ADGRL2: variants seen among roughly 807,000 people sequenced by gnomAD.
ADGRL2 encodes the protein calcium-independent alpha-latrotoxin receptor 2.
Under a neutral mutation model 157.4 loss-of-function variants are expected in ADGRL2, and 44 were observed. The observed-to-expected ratio is 0.28, with a 90% confidence interval of 0.22 to 0.36. ADGRL2 has a LOEUF of 0.36. Among genes scored for constraint, ADGRL2 ranks in the 10% least tolerant of loss-of-function variants. The pLI is 1.00. For missense variants in ADGRL2, 1,510 were observed against 1,768.9 expected, an observed-to-expected ratio of 0.85 and a Z score of 2.63; for synonymous variants, 585 against 624.7, an observed-to-expected ratio of 0.94 and a Z score of 0.95.
At chr1:81,475,648 T>A (rs1334610804) in intron 2 of ADGRL2, among the ~76,000 whole-genome samples, 1 of 152,074 alleles carries the variant, frequency 6.6e-6, no homozygotes, top group African/African-American at 2.4e-5. Context: ...AAAGCAAAGA[T>A]CTCTCATACT....
chr1:81,990,857 G>GTC lies in ADGRL2; in HGVS notation c.4123_4124dup (p.Asn1377ProfsTer69). 6.2e-7 allele frequency: 1 copy of GTC among 1,614,030 alleles called. No individual in the cohort carries two copies. Among genetic ancestry groups the GTC allele is most frequent in the East Asian group, 2.2e-5 (1 of 44,848 alleles). ...CAGCAGAGGCTGAAGATCACCTACAGTCCCCCAACAGAGACTCTCTTTATA... is the reference window on the plus strand; with the variant it reads ...CAGCAGAGGCTGAAGATCACCTACAGTCTCCCCCAACAGAGACTCTCTTTATA... On this transcript the variant is annotated frameshift_variant, in exon 24 of 24. Transcript: ENST00000686636. LOFTEE classifies it high-confidence loss of function.
intron 3 of ADGRL2, among the ~76,000 whole-genome samples, chr1:81,651,821 A>T (rs138286884): frequency 6.6e-6 from 1 of 151,826 alleles, no homozygotes; most frequent in African/African-American, 2.4e-5. Context: ...GTAACCTCCA[A>T]CTCCTGGGTT....
At chr1:81,562,360 C>T (rs898283788) in intron 2 of ADGRL2, among the ~76,000 whole-genome samples, 10 of 152,132 alleles carry the variant, frequency 6.6e-5, no homozygotes, top group Admixed American at 6.5e-4. Context: ...ACACCACCCA[C>T]CCATATTTTC....
At chr1:81,393,008 G>A (rs758418700) in intron 1 of ADGRL2, among the ~76,000 whole-genome samples, 13 of 152,024 alleles carry the variant, frequency 8.6e-5, no homozygotes, top group South Asian at 8.3e-4. Context: ...TCTTTTGATT[G>A]TTTGATAACA....
rs537612028 is a variant in ADGRL2, at chr1:81,487,108, A to AAAAAAAAAT, written c.-248+42020_-248+42021insAAAAAAATA. Among the ~76,000 whole-genome samples the AAAAAAAAAT allele has an allele frequency of 9.7e-4, 131 of 135,470 alleles. 3 individuals are homozygous for AAAAAAAAAT. Among genetic ancestry groups the AAAAAAAAAT allele is most frequent in the Non-Finnish European group, 1.2e-3 (73 of 63,274 alleles). 88.9% of individuals were successfully genotyped at this position (135,470 alleles called of 152,430 possible). A position where few individuals can be genotyped will look rare whatever the true frequency, so the allele number is the denominator to read the frequency against. On this transcript the variant is annotated intron_variant, in intron 2 of 24. Coordinates refer to the ADGRL2 transcript ENST00000370721. Reference sequence around the variant, plus strand: ...CATCTCTACAAAAAAAAAAAAAAAAAAGAAAGTAAATCAGCCAGGTGTGGT... The same window carrying AAAAAAAAAT: ...CATCTCTACAAAAAAAAAAAAAAAAAAAAAAAAATAGAAAGTAAATCAGCCAGGTGTGGT...
intron 1 of ADGRL2, among the ~76,000 whole-genome samples, chr1:81,729,882 T>C (rs1051636334): frequency 2.0e-5 from 3 of 152,234 alleles, no homozygotes; most frequent in African/African-American, 7.2e-5. Flanking sequence ...ATTGGTCATC[T>C]TGCAGTTTCA....
At chr1:81,453,116 C>T (rs1007738041) in intron 2 of ADGRL2, among the ~76,000 whole-genome samples, 1 of 152,146 alleles carries the variant, frequency 6.6e-6, no homozygotes, top group Admixed American at 6.5e-5. Flanking sequence ...GTTAAAACTA[C>T]ACAAGGTGTG....
intron 1 of ADGRL2, among the ~76,000 whole-genome samples, chr1:81,835,147 A>G (rs1275695269): frequency 6.6e-6 from 1 of 152,188 alleles, no homozygotes; most frequent in Non-Finnish European, 1.5e-5. Context: ...AAACGTGTGC[A>G]AGAGTTGAGC....
At chr1:81,326,559 G>A (rs927886213) in intron 1 of ADGRL2, among the ~76,000 whole-genome samples, 10 of 152,044 alleles carry the variant, frequency 6.6e-5, no homozygotes, top group Admixed American at 2.0e-4. Flanking sequence ...AGTGTCACAC[G>A]GCAATCCAGC....
chr1:81,808,318 G>T (rs534461182), intron 1 of ADGRL2, among the ~76,000 whole-genome samples: 2 of 152,124 alleles, frequency 1.3e-5, no homozygotes, highest in South Asian at 4.2e-4. Flanking sequence ...ACCTTGGTTT[G>T]TAGGAACTCG....
intron 8 of ADGRL2, among the ~76,000 whole-genome samples, chr1:81,951,730 T>A (rs896016400): frequency 1.3e-5 from 2 of 152,112 alleles, no homozygotes; most frequent in Admixed American, 1.3e-4. Flanking sequence ...AGGATTTTTT[T>A]TCCTTTTTAT....
intron 17 of ADGRL2, among the ~76,000 whole-genome samples, chr1:81,978,578 A>G (rs1332314674): frequency 6.6e-6 from 1 of 151,824 alleles, no homozygotes; most frequent in African/African-American, 2.4e-5. Context: ...GGCACAGTGG[A>G]CAAAATGACT....
rs143896360 is a variant in ADGRL2 at position 81,578,123 on chromosome 1, G to A, written c.-247-2753G>A. On this transcript the variant is annotated intron_variant, in intron 2 of 24. Coordinates refer to the ADGRL2 transcript ENST00000370721. ...TGCACAGTGACTTAGAAAACAACAA[G>A]TTAGTTAGTTTGGATAGCTTTGTAA... Among the ~76,000 whole-genome samples, 1,135 of 152,224 alleles carry A rather than the reference G, an allele frequency of 7.5e-3. 6 individuals carry two copies. Among genetic ancestry groups the A allele is most frequent in the Non-Finnish European group, 0.012 (832 of 68,002 alleles).
chr1:81,888,339 C>A (rs931307433), intron 2 of ADGRL2, among the ~76,000 whole-genome samples: 1 of 152,146 alleles, frequency 6.6e-6, no homozygotes, highest in South Asian at 2.1e-4. Flanking sequence ...TGCAAAATGC[C>A]CAAGTAAATG....
intron 11 of ADGRL2, among the ~76,000 whole-genome samples, chr1:81,963,466 G>A (rs890430135): frequency 1.3e-5 from 2 of 151,802 alleles, no homozygotes; most frequent in African/African-American, 2.4e-5. Flanking sequence ...GACTTTAAAT[G>A]GAATGCTTCT....
chr1:81,782,386 A>G (rs1418118453), intron 2 of ADGRL2, among the ~76,000 whole-genome samples: 1 of 152,194 alleles, frequency 6.6e-6, no homozygotes, highest in Non-Finnish European at 1.5e-5. Context: ...TATATTAATG[A>G]GGGGGTAATT....
chr1:81,708,810 C>T (rs2083828448), intron 1 of ADGRL2, among the ~76,000 whole-genome samples: 1 of 151,818 alleles, frequency 6.6e-6, no homozygotes, highest in Admixed American at 6.6e-5. Flanking sequence ...TTATTTTTTG[C>T]TTTGGGCTTG....
intron 2 of ADGRL2, among the ~76,000 whole-genome samples, chr1:81,781,159 T>C (rs543140899): frequency 3.7e-4 from 57 of 152,302 alleles, no homozygotes; most frequent in Admixed American, 1.8e-3. Flanking sequence ...TCCTAGAGTC[T>C]GGCACTCAAT....
intron 2 of ADGRL2, among the ~76,000 whole-genome samples, chr1:81,855,351 G>A (rs991630642): frequency 4.6e-5 from 7 of 152,110 alleles, no homozygotes; most frequent in African/African-American, 1.7e-4. Flanking sequence ...TAAGGTGGGA[G>A]GATCACTTGA....
Sources: gnomAD v4.1 joint callset for allele counts (sites outside exome capture counted in the v4.1 genomes callset) on GRCh38, gnomAD v4.1.1 for gene constraint, MANE v1.5 for transcripts, NCBI Gene and HGNC (gene_info 2026-07-23, HGNC 2026-07-21) for gene names.